Variants in PPARGC1A observed in about 807,000 individuals in gnomAD.
The protein encoded by PPARGC1A is peroxisome proliferator-activated receptor gamma coactivator 1-alpha.
A neutral mutation model predicts 88.7 loss-of-function variants in PPARGC1A; 25 were observed. That is an observed-to-expected ratio of 0.28 (90% CI 0.21 to 0.39). The LOEUF is 0.39. Ranked by LOEUF, PPARGC1A falls within the 10% of genes least tolerant of loss-of-function variation. The pLI is 1.00. For synonymous variants in PPARGC1A, 363 were observed against 355.6 expected (o/e 1.02, Z -0.24); for missense variants, 880 against 968.7 (o/e 0.91, Z 1.22).
intron 7 of PPARGC1A, 58 bp downstream of exon 7, chr4:23,824,222 C>T (rs1723508936): frequency 1.6e-6 from 2 of 1,288,978 alleles, no homozygotes; most frequent in Non-Finnish European, 2.2e-6. Context: ...TATCTTATTA[C>T]ACACACACAC....
chr4:24,072,115 AAT>A, the PPARGC1A span, among the ~76,000 whole-genome samples: 204 of 147,178 alleles, frequency 1.4e-3, 1 homozygote, highest in African/African-American at 3.8e-3. Context: ...ATTTCATTTA[AAT>A]ATATATATAT....
Position 23,890,011 on chromosome 4 carries a change from C to T in PPARGC1A, c.-54G>A, listed in dbSNP as rs958283911. ...TTTTCAACTCCAATCCACAGTGACA[C>T]AGAGCACACACTCATGCAGGCAACC... On this transcript the variant is annotated 5_prime_UTR_variant, in exon 1 of 13. The change creates a new upstream start codon in the 5' untranslated region. Transcript: ENST00000264867. 3.7e-6 allele frequency: 6 copies of T among 1,610,548 alleles called. No homozygotes were observed. Among genetic ancestry groups the T allele is most frequent in the South Asian group, 3.3e-5 (3 of 90,500 alleles).
At chr4:24,047,026 C>G in the PPARGC1A span, among the ~76,000 whole-genome samples, 1 of 152,188 alleles carries the variant, frequency 6.6e-6, no homozygotes, top group East Asian at 1.9e-4. Flanking sequence ...TGCAAGCCCA[C>G]TCTGACTGAC....
the PPARGC1A span, among the ~76,000 whole-genome samples, chr4:24,089,514 CT>C: frequency 1.0e-3 from 40 of 38,664 alleles, 1 homozygote; most frequent in South Asian, 3.7e-3. Context: ...TCTTTTCTTT[CT>C]TTTTTTTTTT....
chr4:24,336,175 G>C, the PPARGC1A span, among the ~76,000 whole-genome samples: 1 of 151,942 alleles, frequency 6.6e-6, no homozygotes, highest in African/African-American at 2.4e-5. Context: ...CTAGTATTTT[G>C]TGTCTGGTTC....
the PPARGC1A span, among the ~76,000 whole-genome samples, chr4:24,361,572 G>C: frequency 6.6e-6 from 1 of 152,038 alleles, no homozygotes; most frequent in Non-Finnish European, 1.5e-5. Context: ...GGATGTGTAC[G>C]TAACACCCTG....
the PPARGC1A span, among the ~76,000 whole-genome samples, chr4:24,114,788 T>C: frequency 6.6e-6 from 1 of 152,194 alleles, no homozygotes; most frequent in African/African-American, 2.4e-5. Flanking sequence ...ATATTGCTCT[T>C]TACCTGAGGT....
chr4:23,897,949 G>A (rs1718807338), intron 1 of PPARGC1A, among the ~76,000 whole-genome samples: 1 of 152,120 alleles, frequency 6.6e-6, no homozygotes, highest in South Asian at 2.1e-4. Flanking sequence ...CAACTGATGT[G>A]GTAGTCATTA....
At chr4:24,458,796 C>T in the PPARGC1A span, among the ~76,000 whole-genome samples, 36 of 152,146 alleles carry the variant, frequency 2.4e-4, no homozygotes, top group African/African-American at 8.7e-4. Context: ...TACAGGGCCA[C>T]TAAAAATTAT....
the PPARGC1A span, among the ~76,000 whole-genome samples, chr4:24,255,145 C>A: frequency 1.8e-4 from 27 of 152,286 alleles, no homozygotes; most frequent in East Asian, 2.9e-3. Flanking sequence ...ATTTAAAGAG[C>A]AGTTGTACAA....
the PPARGC1A span, among the ~76,000 whole-genome samples, chr4:24,437,738 C>A: frequency 6.6e-6 from 1 of 151,798 alleles, no homozygotes; most frequent in Non-Finnish European, 1.5e-5. Flanking sequence ...GGTGCGATCT[C>A]AGCTCACTGC....
chr4:23,821,825 T>C lies in PPARGC1A; in HGVS notation c.877+2455A>G, dbSNP rs373342785. 4.0e-5 allele frequency among the ~76,000 whole-genome samples: 6 copies of C among 150,584 alleles called. No homozygotes were observed. The South Asian group carries it at 1.3e-3, about 32-fold the overall frequency. ...CCAAGGCCACACACTAGATGGGAGG[T>C]CATTCAGAATTTAAACTTGGGTTTG... On this transcript the variant is annotated intron_variant, in intron 7 of 12. Transcript: ENST00000264867.
At chr4:24,034,521 T>C in the PPARGC1A span, among the ~76,000 whole-genome samples, 1 of 152,218 alleles carries the variant, frequency 6.6e-6, no homozygotes, top group Middle Eastern at 3.2e-3. Flanking sequence ...TCATTAAGCA[T>C]ACACAATAAA....
chr4:23,905,422 T>C (rs1719917985), upstream of PPARGC1A, among the ~76,000 whole-genome samples: 2 of 152,190 alleles, frequency 1.3e-5, no homozygotes, highest in African/African-American at 2.4e-5. Flanking sequence ...ATCCTGAAAG[T>C]TTCCATGGTG....
chr4:23,973,280 T>C, the PPARGC1A span, among the ~76,000 whole-genome samples: 11 of 152,234 alleles, frequency 7.2e-5, no homozygotes, highest in African/African-American at 1.7e-4. Context: ...CTCAATTCTT[T>C]CCTGATTTCC....
the PPARGC1A span, among the ~76,000 whole-genome samples, chr4:24,109,486 G>A: frequency 6.6e-6 from 1 of 152,090 alleles, no homozygotes; most frequent in Non-Finnish European, 1.5e-5. Flanking sequence ...CTCCTAGGAG[G>A]CACTGGATAA....
chr4:24,075,547 A>C, the PPARGC1A span, among the ~76,000 whole-genome samples: 1 of 152,126 alleles, frequency 6.6e-6, no homozygotes, highest in Non-Finnish European at 1.5e-5. Flanking sequence ...TCCCCACCCA[A>C]ATATCATCTT....
At chr4:23,975,978 C>T in the PPARGC1A span, among the ~76,000 whole-genome samples, 1 of 152,182 alleles carries the variant, frequency 6.6e-6, no homozygotes. Context: ...CTACTTAAAG[C>T]AATGGCTGCC....
the PPARGC1A span, among the ~76,000 whole-genome samples, chr4:23,971,816 T>C: frequency 6.6e-6 from 1 of 152,180 alleles, no homozygotes. Context: ...ACACTCGGTA[T>C]TAACCATCAC....
Sources: allele counts gnomAD v4.1 joint callset (sites outside exome capture counted in the v4.1 genomes callset), GRCh38; gene constraint gnomAD v4.1.1; transcripts MANE v1.5; gene names NCBI Gene and HGNC (gene_info 2026-07-23, HGNC 2026-07-21).